IGHMBP2: variants seen among roughly 807,000 people sequenced by gnomAD.
The protein encoded by IGHMBP2 is immunoglobulin mu DNA binding protein 2, also known as DNA-binding protein SMUBP-2.
Under a neutral mutation model 96.0 loss-of-function variants are expected in IGHMBP2, and 81 were observed. The ratio of observed to expected loss-of-function variants is 0.84; its 90% CI spans 0.71 to 1.01. IGHMBP2 has a LOEUF of 1.01. IGHMBP2 is among the 50% of genes least tolerant of loss of function. The probability of loss-of-function intolerance (pLI) is 0.00; values close to 1 mark genes in which losing one functional copy is unlikely to be tolerated. For synonymous variants in IGHMBP2, 557 were observed against 548.9 expected (o/e 1.01, Z -0.21); for missense variants, 1,227 against 1,306.3 (o/e 0.94, Z 0.94).
At chr11:68,908,842 GTT>G (rs770866695) in intron 4 of IGHMBP2, among the ~76,000 whole-genome samples, 2 of 134,572 alleles carry the variant, frequency 1.5e-5, no homozygotes. Context: ...TTCCATTGAG[GTT>G]TTTTTTTTTT....
rs1366461184 is a variant in IGHMBP2 at position 68,917,884 on chromosome 11, G to T, written c.1060+1G>T. 6.2e-7 allele frequency: 1 copy of T among 1,613,874 alleles called. No individual in the cohort carries two copies. Among genetic ancestry groups the T allele is most frequent in the South Asian group, 1.1e-5 (1 of 91,064 alleles). On this transcript the variant is annotated splice_donor_variant, in intron 7 of 14. Transcript: ENST00000255078. LOFTEE classifies it high-confidence loss of function. ...AACGTGGTCCTTGCAACAAACACAG[G>T]TGAGGGGGCGTCTCCATCCTGCCTG...
Position 68,913,333 on chromosome 11 carries a change from C to T in IGHMBP2, c.712-1490C>T, listed in dbSNP as rs373243749. The stretch of plus-strand genomic sequence containing the variant: ...GTGAGCCAAGACACACCTGTGTGCA[C>T]GCTTTGGTGGAGATATGCCTTTGGA... On this transcript the variant is annotated intron_variant, in intron 5 of 14. Coordinates refer to ENST00000255078, the MANE Select transcript of IGHMBP2 (RefSeq NM_002180.3). Among the ~76,000 whole-genome samples, 100 of 152,222 alleles carry T rather than the reference C, an allele frequency of 6.6e-4. 1 individual carries two copies. In the South Asian group the frequency reaches 0.013, roughly 21 times the overall value.
chr11:68,938,595 A>G (rs1859641629), intron 14 of IGHMBP2, among the ~76,000 whole-genome samples: 1 of 152,218 alleles, frequency 6.6e-6, no homozygotes, highest in Non-Finnish European at 1.5e-5. Context: ...TTCTGGGCAG[A>G]GGGAATTTTG....
intron 13 of IGHMBP2, among the ~76,000 whole-genome samples, chr11:68,937,383 G>T (rs187987668): frequency 1.9e-3 from 286 of 152,340 alleles, no homozygotes; most frequent in Admixed American, 3.3e-3. Context: ...AGCAAACATG[G>T]ATGGCTCCCT....
At chr11:68,906,530 G>A in intron 2 of IGHMBP2, 1 of 401,130 alleles carries the variant, frequency 2.5e-6, no homozygotes, top group South Asian at 3.2e-5. Context: ...AAAACAATTG[G>A]GAATATCTTG....
At chr11:68,933,591 C>A in intron 9 of IGHMBP2, 110 bp downstream of exon 9, 1 of 1,367,218 alleles carries the variant, frequency 7.3e-7, no homozygotes, top group Non-Finnish European at 1.0e-6. Flanking sequence ...TGAAAGTCGA[C>A]TCTGAGGCTA....
Position 68,903,973 on chromosome 11 carries a change from G to A in IGHMBP2, c.21G>A (p.Glu7=). MASAAV[E]SFVTKQLDLL... ...CGGCGATGGCCTCGGCAGCTGTGGA[G>A]AGCTTCGTGACCAAGCAACTGGACC... Residue 7 remains glutamate, a synonymous_variant, in exon 1 of 15, where the codon GAG becomes GAA. Transcript: ENST00000255078. 2.6e-6 allele frequency: 4 copies of A among 1,556,782 alleles called. No homozygotes were observed. The highest frequency in any genetic ancestry group is 3.5e-6 in the Non-Finnish European group (4 of 1,150,402).
chr11:68,905,320 G>GT (rs1194028281), intron 1 of IGHMBP2, among the ~76,000 whole-genome samples: 1 of 152,210 alleles, frequency 6.6e-6, no homozygotes, highest in Non-Finnish European at 1.5e-5. Context: ...AATCCCAGCT[G>GT]TTTCATTTAT....
intron 4 of IGHMBP2, 98 bp from the exon 5 acceptor site, chr11:68,911,342 C>T (rs1858422419): frequency 2.4e-6 from 3 of 1,240,824 alleles, no homozygotes; most frequent in Non-Finnish European, 3.5e-6. Flanking sequence ...GTGTTCCTGA[C>T]AGGCATCACT....
intron 7 of IGHMBP2, among the ~76,000 whole-genome samples, chr11:68,921,254 A>T (rs1858866830): frequency 7.1e-6 from 1 of 140,408 alleles, no homozygotes; most frequent in South Asian, 2.3e-4. Flanking sequence ...ATTTTTATTT[A>T]TTTATTTATT....
intron 7 of IGHMBP2, among the ~76,000 whole-genome samples, chr11:68,924,098 C>G (rs1470633585): frequency 6.6e-6 from 1 of 152,132 alleles, no homozygotes; most frequent in Non-Finnish European, 1.5e-5. Flanking sequence ...GTCTAGTGTC[C>G]TGAAGAGTGT....
chr11:68,922,694 T>G (rs1275459761), intron 7 of IGHMBP2, among the ~76,000 whole-genome samples: 1 of 152,232 alleles, frequency 6.6e-6, no homozygotes, highest in Non-Finnish European at 1.5e-5. Flanking sequence ...GCACCCGGCC[T>G]CATGTTTTTT....
rs549955208 is a variant in IGHMBP2 at position 68,935,768 on chromosome 11, T to A, written c.1756+346T>A. Among the ~76,000 whole-genome samples the A allele has an allele frequency of 5.3e-3, 807 of 152,338 alleles. 5 individuals are homozygous for A. The highest frequency in any genetic ancestry group is 0.019 in the African/African-American group (773 of 41,574). The stretch of plus-strand genomic sequence containing the variant: ...AGCCGCGGGGTGTGGTGGTCGTGGC[T>A]GTGGTTTCTGTGCTGCTGTGGTGTG... On this transcript the variant is annotated intron_variant, in intron 12 of 14. Transcript: ENST00000255078.
At position 68,936,418 on chromosome 11, in the gene IGHMBP2, T is replaced by C. The variant is rs1555247978; in HGVS notation, c.1938T>C (p.Ile646=). The change falls in exon 13 of 15, where the codon ATT becomes ATC. Residue 646 remains isoleucine (I), a synonymous_variant. Coordinates refer to ENST00000255078, the MANE Select transcript of IGHMBP2 (RefSeq NM_002180.3). ...CGGCCTTTGAGTATCTTGACGATATTGTCCCAGAAAACTATTCCCATGAGA... is the reference window on the plus strand; with the variant it reads ...CGGCCTTTGAGTATCTTGACGATATCGTCCCAGAAAACTATTCCCATGAGA... The part of the protein sequence containing the change: ...VRTAFEYLDD[I]VPENYSHENS... 1 of 1,614,112 alleles carries C rather than the reference T, an allele frequency of 6.2e-7. No homozygotes were observed. The highest frequency in any genetic ancestry group is 1.6e-4 in the Middle Eastern group (1 of 6,062).
intron 7 of IGHMBP2, among the ~76,000 whole-genome samples, chr11:68,919,802 C>T (rs901342859): frequency 2.0e-5 from 3 of 152,186 alleles, no homozygotes; most frequent in Admixed American, 6.6e-5. Context: ...ACAAATTTAT[C>T]ATTATGAAAT....
intron 6 of IGHMBP2, among the ~76,000 whole-genome samples, chr11:68,916,129 A>T (rs1290287381): frequency 1.3e-5 from 2 of 151,560 alleles, no homozygotes; most frequent in Non-Finnish European, 2.9e-5. Context: ...AGCCATGGTC[A>T]CTCCACTGCA....
chr11:68,903,895 C>T lies in IGHMBP2; in HGVS notation c.-58C>T, dbSNP rs981790958. The T allele has an allele frequency of 3.5e-5, 57 of 1,607,872 alleles. No individual in the cohort carries two copies. The African/African-American group carries it at 7.1e-4, about 20-fold the overall frequency. ...GGCGGGGAACACCGGTCCGCTGTAA[C>T]ACCGGCCCGGCGCAGAAGCGGGACG... On this transcript the variant is annotated 5_prime_UTR_variant, in exon 1 of 15. Transcript: ENST00000255078.
intron 7 of IGHMBP2, among the ~76,000 whole-genome samples, chr11:68,923,128 C>T (rs576151928): frequency 2.0e-5 from 3 of 152,076 alleles, no homozygotes; most frequent in Non-Finnish European, 4.4e-5. Flanking sequence ...GTTTGGATAC[C>T]GGACATTGAG....
chr11:68,917,683 A>G (rs1448486441), intron 6 of IGHMBP2, 53 bp from the exon 7 acceptor site: 2 of 1,410,630 alleles, frequency 1.4e-6, no homozygotes, highest in Non-Finnish European at 2.0e-6. Flanking sequence ...ATAGAGTTGA[A>G]GAAGTACAAA....
Sources: gnomAD v4.1 joint callset for allele counts (sites outside exome capture counted in the v4.1 genomes callset) on GRCh38, gnomAD v4.1.1 for gene constraint, MANE v1.5 for transcripts, NCBI Gene and HGNC (gene_info 2026-07-23, HGNC 2026-07-21) for gene names.